The following PDE4D variants were observed in gnomAD, a reference collection of about 807,000 sequenced individuals.
The protein encoded by PDE4D is 3',5'-cyclic-AMP phosphodiesterase 4D.
PDE4D carries 24 observed loss-of-function variants against 87.4 expected under a neutral mutation model. The observed-to-expected ratio is 0.27, with a 90% CI of 0.20 to 0.39. The LOEUF (loss-of-function observed/expected upper bound fraction) is 0.39, where lower values mean the gene tolerates loss of function less well. Ranked by LOEUF, PDE4D falls within the 10% of genes least tolerant of loss-of-function variation. The probability of loss-of-function intolerance (pLI) is 1.00; values close to 1 mark genes in which losing one functional copy is unlikely to be tolerated. For synonymous variants in PDE4D, 384 were observed against 383.2 expected, an observed-to-expected ratio of 1.00 and a Z score of -0.02; for missense variants, 714 against 1,041.0, an observed-to-expected ratio of 0.69 and a Z score of 4.32.
At chr5:60,356,380 C>T (rs1253730002) in intron 1 of PDE4D, among the ~76,000 whole-genome samples, 1 of 152,164 alleles carries the variant, frequency 6.6e-6, no homozygotes, top group Non-Finnish European at 1.5e-5. Context: ...ATACCATTTG[C>T]CTTACTCCTC....
chr5:59,029,554 C>T (rs1184813732), intron 6 of PDE4D, among the ~76,000 whole-genome samples: 1 of 151,686 alleles, frequency 6.6e-6, no homozygotes, highest in Non-Finnish European at 1.5e-5. Context: ...TGTTCATGCA[C>T]TGAAAGAATT....
intron 1 of PDE4D, among the ~76,000 whole-genome samples, chr5:59,399,803 A>G (rs1212418140): frequency 1.9e-5 from 2 of 107,976 alleles, no homozygotes; most frequent in Non-Finnish European, 3.8e-5. Flanking sequence ...GCAACCTAGA[A>G]AATGGGAGAA....
At chr5:60,097,218 T>C (rs1256669393) in intron 2 of PDE4D, among the ~76,000 whole-genome samples, 2 of 149,616 alleles carry the variant, frequency 1.3e-5, no homozygotes, top group Non-Finnish European at 3.0e-5. Context: ...AAATGAGTGC[T>C]TTGCATTGGC....
intron 1 of PDE4D, among the ~76,000 whole-genome samples, chr5:59,702,833 G>T (rs1436621931): frequency 1.6e-5 from 2 of 127,244 alleles, no homozygotes; most frequent in Non-Finnish European, 3.1e-5. Context: ...TGGTGCCACT[G>T]CACTCCAGCC....
intron 1 of PDE4D, among the ~76,000 whole-genome samples, chr5:59,462,517 C>A (rs1164020292): frequency 6.6e-6 from 1 of 152,182 alleles, no homozygotes; most frequent in Non-Finnish European, 1.5e-5. Context: ...ATGAGTACAA[C>A]CCCATATTAT....
chr5:60,036,078 C>A (rs1275146837), intron 2 of PDE4D, among the ~76,000 whole-genome samples: 1 of 152,154 alleles, frequency 6.6e-6, no homozygotes, highest in Non-Finnish European at 1.5e-5. Flanking sequence ...TTATAGTTAT[C>A]ATCCTTCATC....
At chr5:59,909,972 C>T (rs1040741534) in intron 3 of PDE4D, among the ~76,000 whole-genome samples, 1 of 152,056 alleles carries the variant, frequency 6.6e-6, no homozygotes, top group African/African-American at 2.4e-5. Context: ...CCCATATATA[C>T]CCCCCACCAT....
chr5:59,458,619 A>G (rs1562225716), intron 1 of PDE4D, among the ~76,000 whole-genome samples: 1 of 152,220 alleles, frequency 6.6e-6, no homozygotes, highest in Non-Finnish European at 1.5e-5. Flanking sequence ...TTTGGGAATT[A>G]ACTGTACGAT....
At chr5:60,363,434 G>A (rs1326832881) in intron 1 of PDE4D, among the ~76,000 whole-genome samples, 3 of 152,228 alleles carry the variant, frequency 2.0e-5, no homozygotes, top group East Asian at 1.9e-4. Context: ...TACAAGTAAA[G>A]CCACTGAATG....
intron 1 of PDE4D, among the ~76,000 whole-genome samples, chr5:59,633,776 G>A (rs1831873607): frequency 6.6e-6 from 1 of 152,152 alleles, no homozygotes; most frequent in Non-Finnish European, 1.5e-5. Context: ...ACCAGCCACT[G>A]CAAAAACATA....
At chr5:59,374,399 T>A (rs1784394024) in intron 1 of PDE4D, among the ~76,000 whole-genome samples, 2 of 152,030 alleles carry the variant, frequency 1.3e-5, no homozygotes, top group Non-Finnish European at 2.9e-5. Flanking sequence ...CAAAAAAGAC[T>A]TTAAACCAAC....
chr5:59,952,942 T>C (rs777505200), intron 3 of PDE4D, among the ~76,000 whole-genome samples: 5 of 152,128 alleles, frequency 3.3e-5, no homozygotes, highest in Non-Finnish European at 7.3e-5. Context: ...ACAGAAACCA[T>C]GAGAGAATAA....
At chr5:59,046,399 AGAGT>A (rs541310655) in intron 5 of PDE4D, among the ~76,000 whole-genome samples, 68 of 149,462 alleles carry the variant, frequency 4.5e-4, no homozygotes, top group Admixed American at 1.5e-3. Context: ...AGGGCATGAA[AGAGT>A]GAGAGAGAGA....
intron 1 of PDE4D, among the ~76,000 whole-genome samples, chr5:59,233,445 C>A (rs760916325): frequency 1.2e-4 from 18 of 152,210 alleles, no homozygotes; most frequent in Non-Finnish European, 2.1e-4. Context: ...AAATATTTCA[C>A]AATTTATCCA....
At chr5:59,539,590 G>T (rs570845659) in intron 1 of PDE4D, among the ~76,000 whole-genome samples, 1 of 152,162 alleles carries the variant, frequency 6.6e-6, no homozygotes, top group South Asian at 2.1e-4. Flanking sequence ...ATTTTCTTTT[G>T]TGTTCCTGCC....
At chr5:59,391,416 C>A (rs1265924055) in intron 1 of PDE4D, among the ~76,000 whole-genome samples, 1 of 151,786 alleles carries the variant, frequency 6.6e-6, no homozygotes, top group Non-Finnish European at 1.5e-5. Context: ...TTTTTAAAAC[C>A]CACATTTAGA....
chr5:59,557,684 T>G (rs1819197654), intron 1 of PDE4D, among the ~76,000 whole-genome samples: 1 of 152,146 alleles, frequency 6.6e-6, no homozygotes, highest in Admixed American at 6.5e-5. Context: ...GCTGATACTG[T>G]GAGAGAATAA....
At chr5:60,295,285 T>C (rs1248236155) in intron 1 of PDE4D, among the ~76,000 whole-genome samples, 1 of 152,244 alleles carries the variant, frequency 6.6e-6, no homozygotes, top group African/African-American at 2.4e-5. Context: ...TATCTGTTTA[T>C]GTCATACGTG....
At chr5:59,684,876 T>C (rs1367241274) in intron 1 of PDE4D, among the ~76,000 whole-genome samples, 1 of 152,208 alleles carries the variant, frequency 6.6e-6, no homozygotes, top group Non-Finnish European at 1.5e-5. Flanking sequence ...TCAAGGATGC[T>C]CTCACCAATT....
Sources: allele counts gnomAD v4.1 joint callset (sites outside exome capture counted in the v4.1 genomes callset), GRCh38; gene constraint gnomAD v4.1.1; transcripts MANE v1.5; gene names NCBI Gene and HGNC (gene_info 2026-07-23, HGNC 2026-07-21).